The following TBCK variants were observed in gnomAD, a reference collection of about 807,000 sequenced individuals.
TBCK encodes the protein TBC domain-containing protein kinase-like protein.
TBCK carries 99 observed loss-of-function variants against 113.4 expected under a neutral mutation model. That is an observed-to-expected ratio of 0.87 (90% CI 0.74 to 1.03). TBCK has a LOEUF of 1.03. Among genes scored for constraint, TBCK ranks in the 50% least tolerant of loss-of-function variants. The pLI, the probability that TBCK is intolerant of heterozygous loss-of-function variation, is 0.00. For synonymous variants in TBCK, 369 were observed against 370.8 expected (o/e 1.00, Z 0.05); for missense variants, 1,045 against 1,061.3 (o/e 0.98, Z 0.21).
rs941198316 is a variant in TBCK, at chr4:106,092,738, A to C, written c.2571+2744T>G. 4.6e-5 allele frequency among the ~76,000 whole-genome samples: 7 copies of C among 152,206 alleles called. No homozygotes were observed. The East Asian group carries it at 1.2e-3, about 25-fold the overall frequency. ...CTGGAACTCTAACTGGCCTGCAAGC[A>C]ATGTGCGCAGTCCCGGTTCCCGCCT... is the stretch of plus-strand genomic sequence containing the variant. On this transcript the variant is annotated intron_variant, in intron 25 of 25. Coordinates refer to ENST00000394708, the MANE Select transcript of TBCK (RefSeq NM_001163435.3).
chr4:106,233,676 T>G (rs918761387), intron 15 of TBCK, 26 bp from the exon 16 acceptor site: 3 of 1,520,802 alleles, frequency 2.0e-6, no homozygotes, highest in Non-Finnish European at 9.0e-7. Context: ...GAAGATATAT[T>G]AATTTATCAT....
intron 23 of TBCK, chr4:106,163,355 T>G (rs1750006173): frequency 6.6e-6 from 1 of 152,306 alleles, no homozygotes; most frequent in African/African-American, 2.4e-5. Flanking sequence ...TTTTCCCACA[T>G]TTTCATGTCT....
intron 22 of TBCK, among the ~76,000 whole-genome samples, chr4:106,183,279 T>A (rs776647088): frequency 1.3e-5 from 2 of 151,968 alleles, no homozygotes; most frequent in Non-Finnish European, 2.9e-5. Flanking sequence ...TCCAATTGCA[T>A]ATAAAATAAT....
intron 24 of TBCK, among the ~76,000 whole-genome samples, chr4:106,103,320 A>G (rs1460935220): frequency 6.6e-6 from 1 of 152,206 alleles, no homozygotes; most frequent in Non-Finnish European, 1.5e-5. Context: ...GCTGAAGGTA[A>G]TAGCTTATTT....
intron 23 of TBCK, among the ~76,000 whole-genome samples, chr4:106,143,538 G>C (rs769247347): frequency 4.6e-5 from 7 of 152,132 alleles, no homozygotes; most frequent in Non-Finnish European, 1.0e-4. Flanking sequence ...CTAAGCTTCA[G>C]ACTGCTGCAG....
intron 25 of TBCK, among the ~76,000 whole-genome samples, chr4:106,060,983 G>T (rs907308190): frequency 6.6e-6 from 1 of 151,700 alleles, no homozygotes; most frequent in Non-Finnish European, 1.5e-5. Flanking sequence ...AGATGTGGCT[G>T]AACTGCTGCA....
chr4:106,279,599 C>T (rs1764377635), intron 3 of TBCK, among the ~76,000 whole-genome samples: 1 of 152,084 alleles, frequency 6.6e-6, no homozygotes, highest in Non-Finnish European at 1.5e-5. Context: ...TATTTCATCC[C>T]CACAGCCCCA....
chr4:106,155,176 C>T (rs567958975), intron 23 of TBCK, among the ~76,000 whole-genome samples: 1 of 150,328 alleles, frequency 6.7e-6, no homozygotes, highest in South Asian at 2.1e-4. Flanking sequence ...TTAAATATGT[C>T]ATGCCACTCT....
At chr4:106,270,885 C>T (rs1309212245) in intron 3 of TBCK, among the ~76,000 whole-genome samples, 1 of 152,076 alleles carries the variant, frequency 6.6e-6, no homozygotes, top group Non-Finnish European at 1.5e-5. Flanking sequence ...TACCACGTCC[C>T]TTGTATTTGT....
chr4:106,234,977 A>C (rs965764195), intron 15 of TBCK, among the ~76,000 whole-genome samples: 1 of 152,126 alleles, frequency 6.6e-6, no homozygotes, highest in Non-Finnish European at 1.5e-5. Context: ...AGGACTACCC[A>C]TTTATAACTG....
intron 19 of TBCK, among the ~76,000 whole-genome samples, chr4:106,216,775 T>A (rs1240757831): frequency 6.6e-6 from 1 of 151,684 alleles, no homozygotes; most frequent in Non-Finnish European, 1.5e-5. Context: ...CACAGCCGAA[T>A]TCTACCAGAG....
chr4:106,273,984 C>T (rs2125755854), intron 3 of TBCK, among the ~76,000 whole-genome samples: 1 of 152,316 alleles, frequency 6.6e-6, no homozygotes. Context: ...TCAAGTGTCA[C>T]CTCATCAGAA....
At chr4:106,197,589 G>A (rs756543124) in intron 20 of TBCK, among the ~76,000 whole-genome samples, 1 of 151,686 alleles carries the variant, frequency 6.6e-6, no homozygotes, top group Non-Finnish European at 1.5e-5. Context: ...TTATAAACAA[G>A]GCATTAGGGA....
intron 25 of TBCK, among the ~76,000 whole-genome samples, chr4:106,068,177 G>C (rs1376340181): frequency 6.6e-6 from 1 of 151,940 alleles, no homozygotes; most frequent in Admixed American, 6.6e-5. Flanking sequence ...TATAGTTTAA[G>C]TTCTAGGGTA....
At chr4:106,136,218 T>A (rs936644127) in intron 23 of TBCK, among the ~76,000 whole-genome samples, 2 of 138,628 alleles carry the variant, frequency 1.4e-5, no homozygotes, top group Admixed American at 1.4e-4. Context: ...ATTCCATCCA[T>A]CTACAGTAAA....
chr4:106,130,350 T>G (rs1380555285), intron 23 of TBCK, among the ~76,000 whole-genome samples: 1 of 152,108 alleles, frequency 6.6e-6, no homozygotes, highest in Non-Finnish European at 1.5e-5. Context: ...AACATACTGT[T>G]TTTCTTAAAT....
chr4:106,142,278 T>C (rs1328029422), intron 23 of TBCK, among the ~76,000 whole-genome samples: 1 of 152,206 alleles, frequency 6.6e-6, no homozygotes, highest in Admixed American at 6.5e-5. Flanking sequence ...TGCTCATTTT[T>C]GGTTTGGAGA....
intron 24 of TBCK, among the ~76,000 whole-genome samples, chr4:106,115,274 C>T (rs1743353119): frequency 6.6e-6 from 1 of 152,020 alleles, no homozygotes; most frequent in Non-Finnish European, 1.5e-5. Flanking sequence ...TCATTAGAGC[C>T]TTTTGGATTA....
chr4:106,217,248 C>T (rs1450190195), intron 19 of TBCK, among the ~76,000 whole-genome samples: 4 of 152,070 alleles, frequency 2.6e-5, no homozygotes, highest in Non-Finnish European at 5.9e-5. Flanking sequence ...ATGAGAAACC[C>T]ACAGCCAATA....
Sources: allele counts gnomAD v4.1 joint callset (sites outside exome capture counted in the v4.1 genomes callset), GRCh38; gene constraint gnomAD v4.1.1; transcripts MANE v1.5; gene names NCBI Gene and HGNC (gene_info 2026-07-23, HGNC 2026-07-21).